ZFHX3: variants seen among roughly 807,000 people sequenced by gnomAD.
ZFHX3 encodes zinc finger homeobox protein 3.
ZFHX3 carries 42 observed loss-of-function variants against 279.1 expected under a neutral mutation model. That is an observed-to-expected ratio of 0.15 (90% confidence interval 0.12 to 0.19). The LOEUF (loss-of-function observed/expected upper bound fraction) is 0.19, where lower values mean the gene tolerates loss of function less well. Among genes scored for constraint, ZFHX3 ranks in the 10% least tolerant of loss-of-function variants. The pLI, the probability that ZFHX3 is intolerant of heterozygous loss-of-function variation, is 1.00. For synonymous variants in ZFHX3, 2,293 were observed against 1,957.8 expected (o/e 1.17, Z -4.52); for missense variants, 4,981 against 4,754.0 (o/e 1.05, Z -1.40).
At chr16:72,891,114 T>G (rs772134063) in intron 3 of ZFHX3, among the ~76,000 whole-genome samples, 1 of 152,110 alleles carries the variant, frequency 6.6e-6, no homozygotes, top group Non-Finnish European at 1.5e-5. Flanking sequence ...TCACCTAGAT[T>G]AAAAAATGCC....
chr16:72,958,708 C>T lies in ZFHX3; in HGVS notation c.1438G>A (p.Glu480Lys), dbSNP rs758805827. 2 of 1,613,788 alleles carry T rather than the reference C, an allele frequency of 1.2e-6. No individual in the cohort carries two copies. The highest frequency in any genetic ancestry group is 2.2e-5 in the South Asian group (2 of 91,060). ...EEAEEEEEEE[E>K]EEEEEEEDEG... ...TCTTCCTCCTCCTCTTCTTCCTCCTCCTCTTCTTCCTCCTCCTCCTCCGCC... is the reference window on the plus strand; with the variant it reads ...TCTTCCTCCTCCTCTTCTTCCTCCTTCTCTTCTTCCTCCTCCTCCTCCGCC... The change falls in exon 2 of 10, where the codon GAG becomes AAG. Residue 480 changes from glutamate to lysine, a missense_variant. By Grantham distance (56) the Glu-to-Lys change is moderately conservative (BLOSUM62 1). Transcript: ENST00000268489.
intron 7 of ZFHX3, among the ~76,000 whole-genome samples, chr16:73,128,952 A>G (rs1248070776): frequency 3.9e-5 from 6 of 152,162 alleles, no homozygotes; most frequent in Non-Finnish European, 7.3e-5. Flanking sequence ...TGAACCCCAA[A>G]GAGATCCTGG....
At chr16:73,593,415 C>T (rs1019754846) in intron 2 of ZFHX3, among the ~76,000 whole-genome samples, 1 of 152,086 alleles carries the variant, frequency 6.6e-6, no homozygotes, top group South Asian at 2.1e-4. Context: ...AAAATGATAA[C>T]ATGTCATAAC....
intron 1 of ZFHX3, among the ~76,000 whole-genome samples, chr16:73,821,361 A>G (rs567363175): frequency 5.2e-4 from 79 of 152,286 alleles, no homozygotes; most frequent in Non-Finnish European, 9.1e-4. Context: ...TCTCTGATGG[A>G]ATTTCTAAAG....
chr16:73,305,907 C>T lies in ZFHX3; in HGVS notation c.-1194+12333G>A, dbSNP rs74592144. ...CCTAGCTTCTCTGTGCATGGAGAGCCACACAGTCACAGACTACAACTTTGG... is the reference window on the plus strand; with the variant it reads ...CCTAGCTTCTCTGTGCATGGAGAGCTACACAGTCACAGACTACAACTTTGG... On this transcript the variant is annotated intron_variant, in intron 4 of 17. Coordinates refer to the ZFHX3 transcript ENST00000641206. Among the ~76,000 whole-genome samples the T allele has an allele frequency of 5.1e-4, 77 of 152,222 alleles. 3 individuals carry two copies. In the East Asian group the frequency reaches 0.014, roughly 28 times the overall value.
chr16:73,192,194 A>G (rs1968054210), intron 5 of ZFHX3, among the ~76,000 whole-genome samples: 1 of 151,890 alleles, frequency 6.6e-6, no homozygotes, highest in Non-Finnish European at 1.5e-5. Context: ...ATGTCCACTG[A>G]TCTCCTCCCC....
chr16:72,861,785 C>T (rs139253857), intron 4 of ZFHX3, among the ~76,000 whole-genome samples: 32 of 152,198 alleles, frequency 2.1e-4, no homozygotes, highest in African/African-American at 5.5e-4. Flanking sequence ...GAGGCAGAGG[C>T]GGGCGGGTCA....
At chr16:73,746,246 T>C (rs2053702352) in intron 1 of ZFHX3, among the ~76,000 whole-genome samples, 1 of 152,144 alleles carries the variant, frequency 6.6e-6, no homozygotes, top group Admixed American at 6.5e-5. Context: ...ACTATGTTAC[T>C]CTTACCATTA....
At chr16:73,776,830 C>A (rs924896618) in intron 1 of ZFHX3, among the ~76,000 whole-genome samples, 1 of 152,136 alleles carries the variant, frequency 6.6e-6, no homozygotes, top group Non-Finnish European at 1.5e-5. Flanking sequence ...CCGCCTGAAC[C>A]GTTCGCACTT....
chr16:73,325,518 C>T (rs981228787), intron 3 of ZFHX3, among the ~76,000 whole-genome samples: 1 of 152,036 alleles, frequency 6.6e-6, no homozygotes, highest in Non-Finnish European at 1.5e-5. Flanking sequence ...GGATCATATC[C>T]ATTCTTATTT....
chr16:72,850,050 A>G (rs1220060587), intron 4 of ZFHX3, among the ~76,000 whole-genome samples: 1 of 152,194 alleles, frequency 6.6e-6, no homozygotes, highest in African/African-American at 2.4e-5. Context: ...GATTAGAGAA[A>G]TCAGATGTTT....
At chr16:72,980,910 T>C (rs1380089875) in intron 1 of ZFHX3, among the ~76,000 whole-genome samples, 1 of 152,236 alleles carries the variant, frequency 6.6e-6, no homozygotes, top group Non-Finnish European at 1.5e-5. Context: ...GATAGAACTA[T>C]GGAAGGGTTC....
intron 3 of ZFHX3, among the ~76,000 whole-genome samples, chr16:73,318,706 C>T (rs894247078): frequency 4.6e-5 from 7 of 152,242 alleles, no homozygotes; most frequent in East Asian, 1.9e-4. Context: ...TAATCACTGT[C>T]CTGTGCTGGT....
chr16:73,040,113 G>C (rs9940520), intron 1 of ZFHX3, among the ~76,000 whole-genome samples: 26,182 of 152,144 alleles, frequency 0.17, 2,580 homozygotes, highest in African/African-American at 0.28. Context: ...CCACAAGCAA[G>C]AGTAGGCCTC....
intron 1 of ZFHX3, among the ~76,000 whole-genome samples, chr16:73,757,788 G>C (rs935763655): frequency 5.9e-5 from 9 of 152,172 alleles, no homozygotes; most frequent in African/African-American, 2.2e-4. Context: ...CATGTGTCTG[G>C]TCTCAAGGTG....
At chr16:73,506,933 C>A (rs1474301048) in intron 2 of ZFHX3, among the ~76,000 whole-genome samples, 1 of 152,106 alleles carries the variant, frequency 6.6e-6, no homozygotes, top group Admixed American at 6.5e-5. Context: ...CTAAATGGTG[C>A]GGCGTGTAAT....
At chr16:73,789,340 C>G (rs556580831) in intron 1 of ZFHX3, among the ~76,000 whole-genome samples, 31 of 151,970 alleles carry the variant, frequency 2.0e-4, no homozygotes, top group African/African-American at 6.8e-4. Context: ...GTCAGCACAC[C>G]CGGCTAATTT....
intron 3 of ZFHX3, among the ~76,000 whole-genome samples, chr16:72,949,643 G>T (rs1417036790): frequency 6.6e-6 from 1 of 151,886 alleles, no homozygotes; most frequent in African/African-American, 2.4e-5. Context: ...ACAGGAAAGA[G>T]GGAAGAGGAG....
At chr16:73,737,765 C>G (rs1381243010) in intron 1 of ZFHX3, among the ~76,000 whole-genome samples, 4 of 152,028 alleles carry the variant, frequency 2.6e-5, no homozygotes, top group Non-Finnish European at 2.9e-5. Flanking sequence ...TGTGTGTTAG[C>G]CTGGCTTTTC....
Sources: allele counts gnomAD v4.1 joint callset (sites outside exome capture counted in the v4.1 genomes callset), GRCh38; gene constraint gnomAD v4.1.1; transcripts MANE v1.5; gene names NCBI Gene and HGNC (gene_info 2026-07-23, HGNC 2026-07-21).